SENP5: variants seen among roughly 807,000 people sequenced by gnomAD.
SENP5 encodes the protein sentrin-specific protease 5.
A neutral mutation model predicts 74.2 loss-of-function variants in SENP5; 21 were observed. That is an observed-to-expected ratio of 0.28 (90% CI 0.20 to 0.41). SENP5 has a LOEUF of 0.41. SENP5 is among the 10% of genes least tolerant of loss of function. The pLI, the probability that SENP5 is intolerant of heterozygous loss-of-function variation, is 1.00. For missense variants in SENP5, 717 were observed against 889.1 expected (o/e 0.81, Z 2.46); for synonymous variants, 311 against 312.7 (o/e 0.99, Z 0.06).
In SENP5 at chr3:196,885,266, A is replaced by C; in HGVS notation, c.85A>C (p.Lys29Gln). 6.2e-7 allele frequency: 1 copy of C among 1,614,156 alleles called. No individual in the cohort carries two copies. The highest frequency in any genetic ancestry group is 8.5e-7 in the Non-Finnish European group (1 of 1,180,018). ...ATGGAATACTGGGTTTGGAGGCTTT[A>C]AGAAGTTTTATTTTCACCAACACTT... ...EKWNTGFGGF[K>Q]KFYFHQHLCI... The change falls in exon 2 of 10, where the codon AAG becomes CAG. Residue 29 changes from lysine to glutamine, a missense_variant. Coordinates refer to ENST00000323460, the MANE Select transcript of SENP5 (RefSeq NM_152699.5).
At chr3:196,890,732 G>GT (rs1004178366) in intron 2 of SENP5, among the ~76,000 whole-genome samples, 122 of 152,274 alleles carry the variant, frequency 8.0e-4, no homozygotes, top group African/African-American at 2.8e-3. Flanking sequence ...GGAAACTGAA[G>GT]AAATTAGGAA....
In SENP5 at chr3:196,903,547, C is replaced by T. The variant is rs1394654207; in HGVS notation, c.1821C>T (p.Asn607=). The change falls in exon 6 of 10, where the codon AAC becomes AAT. Residue 607 remains asparagine, a synonymous_variant. Transcript: ENST00000323460. The part of the protein sequence containing the change: ...DAVPDKVHFF[N]SFFHRQLVTK... ...GTCTGTTCTAGGTTCACTTCTTCAACAGCTTTTTTCATAGACAGCTGGTAA... is the reference window on the plus strand; with the variant it reads ...GTCTGTTCTAGGTTCACTTCTTCAATAGCTTTTTTCATAGACAGCTGGTAA... The T allele has an allele frequency of 5.0e-6, 8 of 1,609,596 alleles. No individual in the cohort carries two copies. Among genetic ancestry groups the T allele is most frequent in the Non-Finnish European group, 6.8e-6 (8 of 1,177,870 alleles).
At position 196,886,286 on chromosome 3, in the gene SENP5, A is replaced by G. The variant is rs762671292; in HGVS notation, c.1105A>G (p.Thr369Ala). 6.2e-7 allele frequency: 1 copy of G among 1,614,044 alleles called. No individual in the cohort carries two copies. The highest frequency in any genetic ancestry group is 8.5e-7 in the Non-Finnish European group (1 of 1,180,044). The change falls in exon 2 of 10, where the codon ACA (threonine) becomes GCA (alanine). Residue 369 changes from threonine (T) to alanine (A), a missense_variant. Around this residue, in one of 4 missense-constraint regions of SENP5, gnomAD observed 567 missense variants for 577.4 expected, o/e 0.98. Coordinates refer to ENST00000323460, the MANE Select transcript of SENP5 (RefSeq NM_152699.5). ...SSCSSPKWEC[T>A]ELIHDIPLPE... ...CTGTTCTTCTCCTAAGTGGGAGTGT[A>G]CAGAGCTGATTCATGACATCCCCTT...
intron 2 of SENP5, 33 bp from the exon 3 acceptor site, chr3:196,899,633 C>G (rs763868659): frequency 7.1e-7 from 1 of 1,400,680 alleles, no homozygotes; most frequent in African/African-American, 1.4e-5. Flanking sequence ...GCTTGTTTTT[C>G]CATCTTAACT....
intron 1 of SENP5, among the ~76,000 whole-genome samples, chr3:196,874,634 A>G (rs1306879486): frequency 1.3e-5 from 2 of 151,982 alleles, no homozygotes; most frequent in Admixed American, 1.3e-4. Context: ...TAATCCCAGC[A>G]CTTTGGGAGG....
chr3:196,917,252 A>G (rs1452191628), intron 6 of SENP5, among the ~76,000 whole-genome samples: 1 of 152,030 alleles, frequency 6.6e-6, no homozygotes, highest in Non-Finnish European at 1.5e-5. Flanking sequence ...AGAAGAAAGA[A>G]TTAGTAAGCT....
At chr3:196,909,856 C>T (rs1715049962) in intron 6 of SENP5, among the ~76,000 whole-genome samples, 1 of 152,074 alleles carries the variant, frequency 6.6e-6, no homozygotes, top group Admixed American at 6.6e-5. Context: ...ACAAGGATGC[C>T]CTCTCCCATC....
chr3:196,892,621 T>C (rs748304532), intron 2 of SENP5, among the ~76,000 whole-genome samples: 2 of 152,190 alleles, frequency 1.3e-5, no homozygotes, highest in African/African-American at 2.4e-5. Flanking sequence ...TACATTATTA[T>C]TAACTATAGT....
chr3:196,890,515 A>C (rs745835602), intron 2 of SENP5, among the ~76,000 whole-genome samples: 7 of 152,100 alleles, frequency 4.6e-5, no homozygotes, highest in African/African-American at 1.4e-4. Flanking sequence ...CCTTTGAAAA[A>C]CAAGGTGAAT....
At chr3:196,872,156 G>C (rs1713244194) in intron 1 of SENP5, among the ~76,000 whole-genome samples, 1 of 152,144 alleles carries the variant, frequency 6.6e-6, no homozygotes, top group Non-Finnish European at 1.5e-5. Context: ...GCTTGGGGCT[G>C]TCCTAGGGTC....
At chr3:196,879,932 G>C (rs565891389) in intron 1 of SENP5, among the ~76,000 whole-genome samples, 1 of 152,004 alleles carries the variant, frequency 6.6e-6, no homozygotes, top group Non-Finnish European at 1.5e-5. Flanking sequence ...GCTTTGCTCC[G>C]AAGTTTTGTT....
At chr3:196,913,513 G>A (rs1244962491) in intron 6 of SENP5, among the ~76,000 whole-genome samples, 3 of 148,984 alleles carry the variant, frequency 2.0e-5, no homozygotes, top group African/African-American at 4.9e-5. Context: ...AGGTTGCAGT[G>A]AGCTGAGATC....
intron 6 of SENP5, among the ~76,000 whole-genome samples, chr3:196,915,678 C>G (rs1392498686): frequency 6.6e-6 from 1 of 152,170 alleles, no homozygotes; most frequent in Non-Finnish European, 1.5e-5. Context: ...TGCACCACCC[C>G]TCCCTCAACT....
chr3:196,874,147 T>A (rs1258399253), intron 1 of SENP5, among the ~76,000 whole-genome samples: 9 of 145,952 alleles, frequency 6.2e-5, no homozygotes, highest in South Asian at 2.1e-4. Context: ...CCTTTTTTTT[T>A]TAAAAAAAAA....
At chr3:196,914,586 A>ATATAT (rs1553825368) in intron 6 of SENP5, 9 of 33,492 alleles carry the variant, frequency 2.7e-4, no homozygotes, top group East Asian at 1.6e-3. Flanking sequence ...AAAAAAAAAA[A>ATATAT]ATATATATAT....
intron 1 of SENP5, among the ~76,000 whole-genome samples, chr3:196,878,634 C>A (rs1045378483): frequency 2.0e-5 from 3 of 152,098 alleles, no homozygotes; most frequent in Non-Finnish European, 2.9e-5. Context: ...TCCTGTCACC[C>A]AGGCCAGAGT....
intron 6 of SENP5, among the ~76,000 whole-genome samples, chr3:196,918,171 G>A (rs1489908864): frequency 6.6e-6 from 1 of 151,892 alleles, no homozygotes; most frequent in African/African-American, 2.4e-5. Context: ...GCCGGGCGCG[G>A]TGGCGGGCGC....
chr3:196,911,818 A>C (rs1382988027), intron 6 of SENP5, among the ~76,000 whole-genome samples: 1 of 152,040 alleles, frequency 6.6e-6, no homozygotes, highest in Non-Finnish European at 1.5e-5. Context: ...TCAAAAAAAA[A>C]CAAAACAAAA....
intron 1 of SENP5, among the ~76,000 whole-genome samples, chr3:196,870,456 A>C (rs1442865834): frequency 3.3e-5 from 5 of 152,148 alleles, no homozygotes; most frequent in African/African-American, 1.2e-4. Context: ...ACCCTACATC[A>C]CAGATTCTCC....
Sources: gnomAD v4.1 joint callset for allele counts (sites outside exome capture counted in the v4.1 genomes callset) on GRCh38, gnomAD v4.1.1 for gene constraint, gnomAD v4.1.1 regional missense constraint, MANE v1.5 for transcripts, NCBI Gene and HGNC (gene_info 2026-07-23, HGNC 2026-07-21) for gene names.